Variants in DNAH1 observed in about 807,000 individuals in gnomAD.
DNAH1 encodes the protein axonemal beta dynein heavy chain 1.
DNAH1 carries 327 observed loss-of-function variants against 484.3 expected under a neutral mutation model. That is an observed-to-expected ratio of 0.68 (90% confidence interval 0.62 to 0.74). The LOEUF (loss-of-function observed/expected upper bound fraction) is 0.74. DNAH1 is among the 30% of genes least tolerant of loss of function. The pLI, the probability that DNAH1 is intolerant of heterozygous loss-of-function variation, is 0.00. For missense variants in DNAH1, 5,052 were observed against 5,546.8 expected (o/e 0.91, Z 2.83); for synonymous variants, 2,192 against 2,191.9 (o/e 1.00, Z 0.00).
rs1301979202 is a variant in DNAH1, at chr3:52,361,637, A to G, written c.4875-24A>G. On this transcript the variant is annotated intron_variant, in intron 29 of 77. Transcript: ENST00000420323. The surrounding 1 kb of genome is among the most constrained non-coding windows in gnomAD (Gnocchi z 5.6). Reference sequence around the variant, plus strand: ...ATTGGGCTCTGAACACATGTGCCCCATCCAATGTTCCGGCCTCACTCAGTG... The same window carrying G: ...ATTGGGCTCTGAACACATGTGCCCCGTCCAATGTTCCGGCCTCACTCAGTG... 4 of 1,580,274 alleles carry G rather than the reference A, an allele frequency of 2.5e-6. No individual in the cohort carries two copies. The highest frequency in any genetic ancestry group is 1.8e-5 in the Admixed American group (1 of 54,718).
chr3:52,350,483 TTC>T, intron 15 of DNAH1, 23 bp from the exon 16 acceptor site: 1 of 1,611,042 alleles, frequency 6.2e-7, no homozygotes, highest in Non-Finnish European at 8.5e-7. Context: ...ACACGTGAAG[TTC>T]TCATTACCAC....
intron 10 of DNAH1, among the ~76,000 whole-genome samples, chr3:52,346,230 T>C (rs530831155): frequency 1.3e-5 from 2 of 152,338 alleles, no homozygotes; most frequent in East Asian, 3.9e-4. Context: ...GTCCTGCTTC[T>C]GCTGTCCTGT....
intron 8 of DNAH1, among the ~76,000 whole-genome samples, chr3:52,337,112 T>C (rs1701767049): frequency 6.6e-6 from 1 of 152,182 alleles, no homozygotes; most frequent in Non-Finnish European, 1.5e-5. Context: ...CTTTTAGCAG[T>C]GTTTTGTAGT....
rs1358615480 is a variant in DNAH1, at chr3:52,349,211, G to A, written c.2317G>A (p.Gly773Ser). Residue 773 changes from glycine (G) to serine (S), a missense_variant, in exon 14 of 78, where the codon GGC becomes AGC. Coordinates refer to ENST00000420323, the MANE Select transcript of DNAH1 (RefSeq NM_015512.5). Reference sequence around the variant, plus strand: ...TGTCCTCAGAACCTACCAGACGCAGGGCCTGTTGGCCCAGGAGGTGCGGGA... The same window carrying A: ...TGTCCTCAGAACCTACCAGACGCAGAGCCTGTTGGCCCAGGAGGTGCGGGA... ...ASFLKTYQTQ[G>S]LLAQEVREVV... is the part of the protein sequence containing the mutation. The A allele has an allele frequency of 1.2e-6, 2 of 1,613,644 alleles. No homozygotes were observed. Among genetic ancestry groups the A allele is most frequent in the Admixed American group, 1.7e-5 (1 of 59,976 alleles).
intron 8 of DNAH1, among the ~76,000 whole-genome samples, chr3:52,338,369 G>A (rs552293340): frequency 6.6e-5 from 10 of 152,218 alleles, no homozygotes; most frequent in Admixed American, 2.0e-4. Context: ...TCGGCCACCC[G>A]AAGTGCTGGG....
chr3:52,357,510 C>G, intron 22 of DNAH1, 104 bp from the exon 23 acceptor site: 1 of 1,411,198 alleles, frequency 7.1e-7, no homozygotes, highest in Non-Finnish European at 9.5e-7. Flanking sequence ...CTTTCCCAGG[C>G]CCCGCTGAGG....
Position 52,353,522 on chromosome 3 carries a change from G to A in DNAH1, c.3369G>A (p.Arg1123=). ...TLSNQININV[R]PKANLTFARC... Reference sequence around the variant, plus strand: ...CCAACCAGATCAACATCAATGTCAGGCCCAAGGCCAACCTGACCTTTGCTC... The same window carrying A: ...CCAACCAGATCAACATCAATGTCAGACCCAAGGCCAACCTGACCTTTGCTC... Residue 1123 remains arginine (R), a synonymous_variant, in exon 20 of 78, where the codon AGG becomes AGA. Coordinates refer to ENST00000420323, the MANE Select transcript of DNAH1 (RefSeq NM_015512.5). The surrounding 1 kb of genome is among the most constrained non-coding windows in gnomAD (Gnocchi z 5.0). The A allele has an allele frequency of 6.2e-7, 1 of 1,613,856 alleles. No homozygotes were observed. Among genetic ancestry groups the A allele is most frequent in the Non-Finnish European group, 8.5e-7 (1 of 1,179,880 alleles).
rs749263885 is a variant in DNAH1, at chr3:52,399,116, T to C, written c.12356T>C (p.Phe4119Ser). 9 of 1,613,998 alleles carry C rather than the reference T, an allele frequency of 5.6e-6. No individual in the cohort carries two copies. The East Asian group carries it at 2.0e-4, about 36-fold the overall frequency. ...PAVFWISGFF[F>S]PQAFLTGTLQ... is the part of the protein sequence containing the mutation. ...GTCTTCTGGATCAGTGGATTCTTCT[T>C]CCCCCAGGCTTTCTTAACAGGCACT... Residue 4119 changes from phenylalanine to serine, a missense_variant, in exon 76 of 78, where the codon TTC becomes TCC. By Grantham distance (155) the Phe-to-Ser change is radical. This residue lies in a region of DNAH1 where 853 missense variants were observed against 899.0 expected (regional missense o/e 0.95). Coordinates refer to ENST00000420323, the MANE Select transcript of DNAH1 (RefSeq NM_015512.5).
intron 50 of DNAH1, 124 bp from the exon 51 acceptor site, chr3:52,383,262 T>C (rs1559555933): frequency 7.0e-6 from 6 of 861,832 alleles, no homozygotes; most frequent in Non-Finnish European, 1.1e-5. Context: ...TTTGTGACTC[T>C]GGGCTTCTCT....
Position 52,388,242 on chromosome 3 carries a change from G to T in DNAH1, c.9079G>T (p.Ala3027Ser). 1 of 1,606,288 alleles carries T rather than the reference G, an allele frequency of 6.2e-7. No homozygotes were observed. ...TGAAGAGTTCCAGCCAGCCACCATT[G>T]CCAAGGTGTCCAAGGCTTGCACCTC... ...DNEEFQPATI[A>S]KVSKACTSIC... The change falls in exon 57 of 78, where the codon GCC becomes TCC. Residue 3027 changes from alanine to serine, a missense_variant. Physicochemically the swap from Ala to Ser is moderately conservative, Grantham distance 99 (BLOSUM62 1). Transcript: ENST00000420323.
intron 56 of DNAH1, among the ~76,000 whole-genome samples, chr3:52,387,698 G>A (rs1414621165): frequency 6.6e-6 from 1 of 152,182 alleles, no homozygotes; most frequent in Non-Finnish European, 1.5e-5. Flanking sequence ...CTGGGAGCTC[G>A]TGAGCAATGC....
rs1053263541 is a variant in DNAH1 at position 52,355,770 on chromosome 3, G to A, written c.3693+715G>A. 1.1e-4 allele frequency among the ~76,000 whole-genome samples: 17 copies of A among 152,222 alleles called. No individual in the cohort carries two copies. Among genetic ancestry groups the A allele is most frequent in the African/African-American group, 4.1e-4 (17 of 41,454 alleles). ...GCTCACGCTGTCCACTCGACCTGGA[G>A]TTTGACACCCGCCTTCCATCTCCTC... is the stretch of plus-strand genomic sequence containing the variant. On this transcript the variant is annotated intron_variant, in intron 21 of 77. Coordinates refer to ENST00000420323, the MANE Select transcript of DNAH1 (RefSeq NM_015512.5). This position sits in a 1 kb window ranked among gnomAD's most constrained non-coding sequence, Gnocchi z 4.5.
chr3:52,327,826 A>C (rs754539850), intron 5 of DNAH1, 56 bp from the exon 6 acceptor site: 32 of 1,601,134 alleles, frequency 2.0e-5, no homozygotes, highest in Non-Finnish European at 2.6e-5. Context: ...ACCCAGTCCC[A>C]CCTGGGCCCC....
intron 77 of DNAH1, 132 bp downstream of exon 77, chr3:52,399,911 C>A: frequency 1.0e-6 from 1 of 971,466 alleles, no homozygotes; most frequent in Non-Finnish European, 1.5e-6. Context: ...GGCCAGCAAG[C>A]AGCAGGCAGG....
Position 52,363,034 on chromosome 3 carries a change from G to T in DNAH1, c.5134G>T (p.Ala1712Ser), listed in dbSNP as rs1351201826. The change falls in exon 32 of 78, where the codon GCC becomes TCC. Residue 1712 changes from alanine (A) to serine (S), a missense_variant. Coordinates refer to ENST00000420323, the MANE Select transcript of DNAH1 (RefSeq NM_015512.5). ...CGTGGCCATGATGGTTCCAGATTACGCCATGATCACTGAGATCTCCCTCTA... is the reference window on the plus strand; with the variant it reads ...CGTGGCCATGATGGTTCCAGATTACTCCATGATCACTGAGATCTCCCTCTA... ...RPVAMMVPDY[A>S]MITEISLYSF... The T allele has an allele frequency of 6.2e-7, 1 of 1,613,980 alleles. No homozygotes were observed. Among genetic ancestry groups the T allele is most frequent in the East Asian group, 2.2e-5 (1 of 44,888 alleles).
chr3:52,395,221 A>G lies in DNAH1; in HGVS notation c.10969-87A>G, dbSNP rs149444056. 2,751 of 1,513,496 alleles carry G rather than the reference A, an allele frequency of 1.8e-3. 6 individuals carry two copies. The highest frequency in any genetic ancestry group is 2.3e-3 in the Non-Finnish European group (2,536 of 1,121,696). The allele number at this position is 1,513,496 out of a possible 1,614,324, so 93.8% of individuals were successfully genotyped here. Reference sequence around the variant, plus strand: ...GCCCCCACCAGGAAGCCCACTGGGGACCACTCTGAGAACCCCAGATCCCCC... The same window carrying G: ...GCCCCCACCAGGAAGCCCACTGGGGGCCACTCTGAGAACCCCAGATCCCCC... On this transcript the variant is annotated intron_variant, in intron 68 of 77. Coordinates refer to ENST00000420323, the MANE Select transcript of DNAH1 (RefSeq NM_015512.5). The surrounding 1 kb of genome is among the most constrained non-coding windows in gnomAD (Gnocchi z 4.4).
Position 52,378,695 on chromosome 3 carries a change from C to A in DNAH1, c.7292C>A (p.Pro2431Gln), listed in dbSNP as rs761756541. The A allele has an allele frequency of 1.2e-6, 2 of 1,613,860 alleles. No individual in the cohort carries two copies. Among genetic ancestry groups the A allele is most frequent in the South Asian group, 2.2e-5 (2 of 91,082 alleles). ...ATCACCTCCCAGCTGCTGCCCACTCCAGCCAAGTCCCACTACACCTTCAAC... is the reference window on the plus strand; with the variant it reads ...ATCACCTCCCAGCTGCTGCCCACTCAAGCCAAGTCCCACTACACCTTCAAC... The part of the protein sequence containing the change: ...ATITSQLLPT[P>Q]AKSHYTFNLR... The change falls in exon 47 of 78, where the codon CCA becomes CAA. Residue 2431 changes from proline to glutamine, a missense_variant. By Grantham distance (76) the Pro-to-Gln change is moderately conservative. Coordinates refer to ENST00000420323, the MANE Select transcript of DNAH1 (RefSeq NM_015512.5).
intron 8 of DNAH1, among the ~76,000 whole-genome samples, chr3:52,334,626 T>TC (rs1553628783): frequency 6.7e-6 from 1 of 150,182 alleles, no homozygotes; most frequent in Non-Finnish European, 1.5e-5. Context: ...CCATCTCTAC[T>TC]AAAAAAAAAT....
chr3:52,363,558 T>G (rs1216014707), intron 32 of DNAH1, among the ~76,000 whole-genome samples: 2 of 152,172 alleles, frequency 1.3e-5, no homozygotes, highest in African/African-American at 4.8e-5. Flanking sequence ...CCACTCAGCT[T>G]GCTGAGCCCA....
Sources: gnomAD v4.1 joint callset for allele counts (sites outside exome capture counted in the v4.1 genomes callset) on GRCh38, gnomAD v4.1.1 for gene constraint, gnomAD v4.1.1 regional missense constraint, Gnocchi (gnomAD v3.1) non-coding constraint, MANE v1.5 for transcripts, NCBI Gene and HGNC (gene_info 2026-07-23, HGNC 2026-07-21) for gene names.